The following ITGA9 variants were observed in gnomAD, a reference collection of about 807,000 sequenced individuals.
The protein encoded by ITGA9 is integrin alpha-9.
In ITGA9, 56 loss-of-function variants were observed where a neutral mutation model predicts 127.8. That is an observed-to-expected ratio of 0.44 (90% CI 0.35 to 0.55). The LOEUF is 0.55. Ranked by LOEUF, ITGA9 falls within the 20% of genes least tolerant of loss-of-function variation. The probability of loss-of-function intolerance (pLI) is 0.00; values close to 1 mark genes in which losing one functional copy is unlikely to be tolerated. For missense variants in ITGA9, 1,196 were observed against 1,347.1 expected (o/e 0.89, Z 1.76); for synonymous variants, 508 against 514.5 (o/e 0.99, Z 0.17).
chr3:37,627,655 C>A (rs1400812630), intron 15 of ITGA9, among the ~76,000 whole-genome samples: 10 of 152,194 alleles, frequency 6.6e-5, no homozygotes, highest in Non-Finnish European at 1.2e-4. Context: ...TCCTAGGGAA[C>A]TGAGGTTCAT....
chr3:37,538,883 G>T (rs1699239136), intron 14 of ITGA9, among the ~76,000 whole-genome samples: 1 of 152,226 alleles, frequency 6.6e-6, no homozygotes, highest in Non-Finnish European at 1.5e-5. Flanking sequence ...TACTAATTAG[G>T]CAGTTCTAGA....
intron 16 of ITGA9, among the ~76,000 whole-genome samples, chr3:37,636,458 C>T (rs1364437004): frequency 6.6e-6 from 1 of 152,214 alleles, no homozygotes; most frequent in Non-Finnish European, 1.5e-5. Context: ...TCATATCCCT[C>T]ACCCACTTTT....
chr3:37,759,077 CCACACACA>C (rs10565669), intron 23 of ITGA9, among the ~76,000 whole-genome samples: 1 of 146,090 alleles, frequency 6.8e-6, no homozygotes, highest in African/African-American at 2.5e-5. Flanking sequence ...ATATATATAC[CCACACACA>C]CACACACACA....
intron 15 of ITGA9, among the ~76,000 whole-genome samples, chr3:37,600,975 T>C (rs1162231532): frequency 1.3e-5 from 2 of 152,228 alleles, no homozygotes; most frequent in Non-Finnish European, 1.5e-5. Flanking sequence ...GCTAGTTTAG[T>C]AAATGGCATA....
chr3:37,688,647 T>C (rs1434933690), intron 18 of ITGA9, among the ~76,000 whole-genome samples: 1 of 152,086 alleles, frequency 6.6e-6, no homozygotes, highest in Non-Finnish European at 1.5e-5. Flanking sequence ...ACATACTCAC[T>C]TGAATCAGTC....
At chr3:37,459,102 A>G (rs923054745) in intron 1 of ITGA9, among the ~76,000 whole-genome samples, 1 of 152,238 alleles carries the variant, frequency 6.6e-6, no homozygotes, top group Non-Finnish European at 1.5e-5. Flanking sequence ...GTTCTGACCA[A>G]AAAGGACTTC....
At chr3:37,585,570 C>T in intron 15 of ITGA9, 1 of 507,888 alleles carries the variant, frequency 2.0e-6, no homozygotes, top group Non-Finnish European at 4.0e-6. Context: ...AACATTTTCT[C>T]TAGCAATTAT....
At chr3:37,681,006 A>G (rs759732802) in intron 17 of ITGA9, among the ~76,000 whole-genome samples, 3 of 152,134 alleles carry the variant, frequency 2.0e-5, no homozygotes, top group African/African-American at 7.2e-5. Flanking sequence ...CTCATTGCAC[A>G]TGTTATTCTT....
chr3:37,738,535 G>A (rs1405598458), intron 20 of ITGA9, among the ~76,000 whole-genome samples: 1 of 152,198 alleles, frequency 6.6e-6, no homozygotes, highest in Admixed American at 6.5e-5. Context: ...TGGCACTGAG[G>A]AGCCACTGAA....
chr3:37,479,734 T>C (rs995364548), intron 3 of ITGA9, among the ~76,000 whole-genome samples: 1 of 152,160 alleles, frequency 6.6e-6, no homozygotes, highest in African/African-American at 2.4e-5. Flanking sequence ...AGTTTTAAGA[T>C]GGAAAATGCT....
rs182033599 is a variant in ITGA9, at chr3:37,453,540, A to T, written c.185+981A>T. Among the ~76,000 whole-genome samples, 50 of 152,204 alleles carry T rather than the reference A, an allele frequency of 3.3e-4. No individual in the cohort carries two copies. The East Asian group carries it at 9.1e-3, about 28-fold the overall frequency. On this transcript the variant is annotated intron_variant, in intron 1 of 27. Coordinates refer to ENST00000264741, the MANE Select transcript of ITGA9 (RefSeq NM_002207.3). ...CACACAGTGGTCACTTCTTGATAGG[A>T]GAGAGAGTTAGGCTGCGGGAAGTTC...
intron 13 of ITGA9, among the ~76,000 whole-genome samples, chr3:37,527,037 G>A (rs1023656806): frequency 1.3e-5 from 2 of 152,232 alleles, no homozygotes; most frequent in African/African-American, 4.8e-5. Context: ...GGGCCAGGTG[G>A]CCGGGTTCCA....
chr3:37,636,053 C>T (rs190514537), intron 16 of ITGA9, among the ~76,000 whole-genome samples: 5 of 151,842 alleles, frequency 3.3e-5, no homozygotes, highest in Admixed American at 2.6e-4. Context: ...TAGGTTGGTT[C>T]CAAGTCTTTG....
At chr3:37,563,486 C>G (rs144474075) in intron 15 of ITGA9, among the ~76,000 whole-genome samples, 232 of 152,334 alleles carry the variant, frequency 1.5e-3, no homozygotes, top group African/African-American at 5.2e-3. Flanking sequence ...TAACTCTGAG[C>G]AAAGGTGTCC....
intron 18 of ITGA9, among the ~76,000 whole-genome samples, chr3:37,718,756 A>G (rs2125682431): frequency 6.6e-6 from 1 of 152,344 alleles, no homozygotes; most frequent in South Asian, 2.1e-4. Context: ...GGGAGCTTTC[A>G]GCAAATGCAT....
intron 15 of ITGA9, among the ~76,000 whole-genome samples, chr3:37,567,692 C>T (rs1699561082): frequency 6.6e-6 from 1 of 152,094 alleles, no homozygotes. Context: ...GGCTAAATGC[C>T]CCCATGCAAG....
rs764669994 is a variant in ITGA9, at chr3:37,743,956, C to T, written c.2355C>T (p.Gly785=). 3.1e-6 allele frequency: 5 copies of T among 1,613,728 alleles called. No individual in the cohort carries two copies. Among genetic ancestry groups the T allele is most frequent in the East Asian group, 4.5e-5 (2 of 44,884 alleles). The change falls in exon 22 of 28, where the codon GGC becomes GGT. Residue 785 remains glycine (G), a synonymous_variant. Coordinates refer to ENST00000264741, the MANE Select transcript of ITGA9 (RefSeq NM_002207.3). ...TGTCTCCAACCTCCTTTGTATATGG[C>T]GAGTCCGTGGACGCAGCCAACTTCA... ...GIMSPTSFVY[G]ESVDAANFIQ...
intron 8 of ITGA9, 30 bp downstream of exon 8, chr3:37,508,657 T>G (rs1698870423): frequency 6.4e-7 from 1 of 1,573,756 alleles, no homozygotes; most frequent in African/African-American, 1.3e-5. Flanking sequence ...TGACTATTTT[T>G]TATTTGAGAG....
At chr3:37,471,827 G>A (rs939556347) in intron 2 of ITGA9, among the ~76,000 whole-genome samples, 1 of 152,192 alleles carries the variant, frequency 6.6e-6, no homozygotes, top group African/African-American at 2.4e-5. Context: ...GCTGAGGTGG[G>A]CACATTGCTT....
Sources: allele counts gnomAD v4.1 joint callset (sites outside exome capture counted in the v4.1 genomes callset), GRCh38; gene constraint gnomAD v4.1.1; transcripts MANE v1.5; gene names NCBI Gene and HGNC (gene_info 2026-07-23, HGNC 2026-07-21).